SCFD2: variants seen among roughly 807,000 people sequenced by gnomAD.
SCFD2 encodes sec1 family domain-containing protein 2.
A neutral mutation model predicts 58.9 loss-of-function variants in SCFD2; 54 were observed. That is an observed-to-expected ratio of 0.92 (90% CI 0.74 to 1.15). The LOEUF (loss-of-function observed/expected upper bound fraction) is 1.15, where lower values mean the gene tolerates loss of function less well. SCFD2 is among the 50% of genes most tolerant of loss of function. SCFD2 has a pLI of 0.00. For missense variants in SCFD2, 805 were observed against 836.6 expected, an observed-to-expected ratio of 0.96 and a Z score of 0.47; for synonymous variants, 321 against 335.9, an observed-to-expected ratio of 0.96 and a Z score of 0.49.
At chr4:53,263,515 G>C (rs1254506356) in intron 4 of SCFD2, among the ~76,000 whole-genome samples, 1 of 152,150 alleles carries the variant, frequency 6.6e-6, no homozygotes, top group Admixed American at 6.6e-5. Flanking sequence ...GATCATTTTT[G>C]CTCTTCTGGG....
At chr4:52,992,439 G>C (rs535104043) in intron 5 of SCFD2, among the ~76,000 whole-genome samples, 4 of 152,100 alleles carry the variant, frequency 2.6e-5, no homozygotes, top group African/African-American at 9.7e-5. Flanking sequence ...AGCCTCTGCC[G>C]GGCCGCCACC....
chr4:53,242,352 C>T (rs995483701), intron 4 of SCFD2, among the ~76,000 whole-genome samples: 3 of 152,172 alleles, frequency 2.0e-5, no homozygotes, highest in Admixed American at 2.0e-4. Context: ...AACACACAAG[C>T]TTGGACTCCT....
intron 7 of SCFD2, among the ~76,000 whole-genome samples, chr4:52,886,080 C>T (rs555026835): frequency 1.2e-4 from 19 of 152,242 alleles, no homozygotes; most frequent in African/African-American, 3.4e-4. Context: ...ATCCATGGAC[C>T]GGATTGAGAA....
chr4:53,287,560 A>C (rs997101038), intron 3 of SCFD2, among the ~76,000 whole-genome samples: 1 of 152,156 alleles, frequency 6.6e-6, no homozygotes, highest in Non-Finnish European at 1.5e-5. Flanking sequence ...TGCACAAGTT[A>C]CACCCTAAAA....
intron 1 of SCFD2, among the ~76,000 whole-genome samples, chr4:53,357,570 T>G (rs1265203561): frequency 6.6e-6 from 1 of 152,130 alleles, no homozygotes; most frequent in East Asian, 1.9e-4. Flanking sequence ...TAAGCCAGGA[T>G]GTGAGGTTAT....
chr4:53,358,260 T>G (rs1048299501), intron 1 of SCFD2, among the ~76,000 whole-genome samples: 2 of 152,134 alleles, frequency 1.3e-5, no homozygotes, highest in South Asian at 4.1e-4. Flanking sequence ...AAAGTTTGCA[T>G]GAAGCTGCCT....
chr4:53,162,289 G>A (rs1011218970), intron 4 of SCFD2, among the ~76,000 whole-genome samples: 3 of 152,004 alleles, frequency 2.0e-5, no homozygotes, highest in African/African-American at 7.2e-5. Context: ...ATGAGAAGAT[G>A]AGAGTCTAAA....
In SCFD2 at chr4:52,885,769, G is replaced by A. The variant is rs765889260; in HGVS notation, c.1940C>T (p.Ala647Val). Reference protein sequence around the residue: ...SEVKMVKDLVASLKPGTQVIV... With the variant: ...SEVKMVKDLVVSLKPGTQVIV... ...TACCTGGGTTCCTGGCTTCAACGAT[G>A]CCACAAGATCTTTGACCATTTTCAC... The change falls in exon 8 of 9, where the codon GCA becomes GTA. Residue 647 changes from alanine (A) to valine (V), a missense_variant. This residue lies in a region of SCFD2 where 633 missense variants were observed against 646.8 expected (regional missense o/e 0.98). Coordinates refer to ENST00000401642, the MANE Select transcript of SCFD2 (RefSeq NM_152540.4). The A allele has an allele frequency of 6.8e-6, 11 of 1,614,016 alleles. No individual in the cohort carries two copies. The highest frequency in any genetic ancestry group is 1.3e-5 in the African/African-American group (1 of 75,020).
At chr4:53,330,247 C>G (rs1037215223) in intron 2 of SCFD2, among the ~76,000 whole-genome samples, 7 of 151,974 alleles carry the variant, frequency 4.6e-5, no homozygotes, top group African/African-American at 9.7e-5. Flanking sequence ...ACAGAGAACG[C>G]CACAAAGATA....
intron 5 of SCFD2, among the ~76,000 whole-genome samples, chr4:53,052,490 A>C (rs1723212372): frequency 6.6e-6 from 1 of 152,228 alleles, no homozygotes; most frequent in African/African-American, 2.4e-5. Context: ...ACTGGAGATT[A>C]AAGAATAACA....
intron 5 of SCFD2, among the ~76,000 whole-genome samples, chr4:52,988,844 T>TC (rs1466417006): frequency 6.6e-6 from 1 of 152,216 alleles, no homozygotes; most frequent in African/African-American, 2.4e-5. Flanking sequence ...TCTTGCTGTC[T>TC]CCCCCACCTT....
At chr4:53,098,276 G>A (rs1289214317) in intron 5 of SCFD2, among the ~76,000 whole-genome samples, 1 of 152,162 alleles carries the variant, frequency 6.6e-6, no homozygotes, top group Non-Finnish European at 1.5e-5. Context: ...GATTGGAATA[G>A]TTTCAGAAGG....
intron 5 of SCFD2, among the ~76,000 whole-genome samples, chr4:53,104,110 C>T (rs866332029): frequency 6.6e-6 from 1 of 151,976 alleles, no homozygotes; most frequent in Non-Finnish European, 1.5e-5. Flanking sequence ...TGGAGCATAA[C>T]TCCTTATTTA....
At chr4:53,295,263 C>T (rs1482510564) in intron 3 of SCFD2, among the ~76,000 whole-genome samples, 1 of 152,128 alleles carries the variant, frequency 6.6e-6, no homozygotes, top group Non-Finnish European at 1.5e-5. Flanking sequence ...TTGATTCATC[C>T]TATCCATAAG....
intron 2 of SCFD2, among the ~76,000 whole-genome samples, chr4:53,332,444 T>C (rs1209116543): frequency 6.6e-6 from 1 of 151,878 alleles, no homozygotes; most frequent in African/African-American, 2.4e-5. Flanking sequence ...TGGTTCAATA[T>C]ACGCAAATCA....
chr4:53,246,672 C>G (rs1343000715), intron 4 of SCFD2, among the ~76,000 whole-genome samples: 4 of 151,964 alleles, frequency 2.6e-5, no homozygotes, highest in Non-Finnish European at 5.9e-5. Context: ...TTCCTTATAC[C>G]ATACATAAAA....
intron 4 of SCFD2, among the ~76,000 whole-genome samples, chr4:53,208,122 ATTTTTTTCTTTTCTT>A (rs1728494215): frequency 6.6e-6 from 1 of 151,300 alleles, no homozygotes; most frequent in African/African-American, 2.4e-5. Context: ...ATGCCCAGCA[ATTTTTTTCTTTTCTT>A]TTTTTTTCTT....
intron 5 of SCFD2, among the ~76,000 whole-genome samples, chr4:53,010,237 T>G (rs1365914162): frequency 6.6e-6 from 1 of 152,258 alleles, no homozygotes; most frequent in Non-Finnish European, 1.5e-5. Context: ...TACAAGATCT[T>G]GTTTATTCCT....
At chr4:53,292,335 G>GT (rs1731869464) in intron 3 of SCFD2, among the ~76,000 whole-genome samples, 1 of 151,764 alleles carries the variant, frequency 6.6e-6, no homozygotes, top group Admixed American at 6.6e-5. Context: ...AGTCTACAAG[G>GT]ATATTAAACA....
Sources: gnomAD v4.1 joint callset for allele counts (sites outside exome capture counted in the v4.1 genomes callset) on GRCh38, gnomAD v4.1.1 for gene constraint, gnomAD v4.1.1 regional missense constraint, MANE v1.5 for transcripts, NCBI Gene and HGNC (gene_info 2026-07-23, HGNC 2026-07-21) for gene names.